The following NYAP2 variants were observed in gnomAD, a reference collection of about 807,000 sequenced individuals.
NYAP2 encodes neuronal tyrosine-phosphorylated phosphoinositide-3-kinase adaptor 2, also known as neuronal tyrosine-phosphorylated phosphoinositide-3-kinase adapter 2.
In NYAP2, 23 loss-of-function variants were observed where a neutral mutation model predicts 50.4. The ratio of observed to expected loss-of-function variants is 0.46; its 90% CI spans 0.33 to 0.65. NYAP2 has a LOEUF of 0.65. NYAP2 is among the 30% of genes least tolerant of loss of function. NYAP2 has a pLI of 0.02. For missense variants in NYAP2, 885 were observed against 861.0 expected (o/e 1.03, Z -0.35); for synonymous variants, 394 against 365.2 (o/e 1.08, Z -0.90).
intron 4 of NYAP2, among the ~76,000 whole-genome samples, chr2:225,542,316 C>T (rs140213803): frequency 1.6e-4 from 24 of 152,140 alleles, no homozygotes; most frequent in African/African-American, 5.1e-4. Context: ...TGAATAACAG[C>T]GGTGACAGTG....
intron 3 of NYAP2, among the ~76,000 whole-genome samples, chr2:225,427,364 C>T (rs1048436698): frequency 7.2e-5 from 11 of 152,148 alleles, no homozygotes; most frequent in African/African-American, 2.7e-4. Flanking sequence ...TACATTTTTC[C>T]TTTTAATATC....
At chr2:225,461,179 C>G (rs976603197) in intron 3 of NYAP2, among the ~76,000 whole-genome samples, 5 of 152,050 alleles carry the variant, frequency 3.3e-5, no homozygotes. Context: ...ACCATTTGTT[C>G]TGTGTGTGGA....
intron 4 of NYAP2, among the ~76,000 whole-genome samples, chr2:225,534,406 G>T (rs1456735915): frequency 6.6e-6 from 1 of 152,122 alleles, no homozygotes; most frequent in African/African-American, 2.4e-5. Context: ...CACCTACTAC[G>T]GGCCAAGCAT....
At chr2:225,408,888 C>G (rs749733680) in exon 3 of NYAP2, 1 of 1,604,638 alleles carries the variant, frequency 6.2e-7, no homozygotes, top group Non-Finnish European at 8.5e-7. Flanking sequence ...TACATGATAT[C>G]CTCCAAGATG....
the NYAP2 span, among the ~76,000 whole-genome samples, chr2:225,692,112 G>A: frequency 4.6e-5 from 7 of 152,164 alleles, no homozygotes; most frequent in African/African-American, 1.4e-4. Flanking sequence ...GCTTGGCATC[G>A]TGCTCTGTCT....
chr2:225,411,358 G>A (rs982801845), intron 3 of NYAP2, among the ~76,000 whole-genome samples: 9 of 152,134 alleles, frequency 5.9e-5, no homozygotes, highest in African/African-American at 2.2e-4. Context: ...GCAGAATGAT[G>A]TTTCCATTTA....
At chr2:225,692,637 T>C in the NYAP2 span, among the ~76,000 whole-genome samples, 1 of 152,010 alleles carries the variant, frequency 6.6e-6, no homozygotes, top group Non-Finnish European at 1.5e-5. Flanking sequence ...ATGTGAAGCA[T>C]ATATAAATTT....
At chr2:225,418,589 A>G (rs1340245235) in intron 3 of NYAP2, among the ~76,000 whole-genome samples, 1 of 152,222 alleles carries the variant, frequency 6.6e-6, no homozygotes, top group Admixed American at 6.5e-5. Flanking sequence ...TGGTGTTTCC[A>G]TTAACTGAGA....
At chr2:225,605,131 AT>A (rs1278586043) in intron 5 of NYAP2, among the ~76,000 whole-genome samples, 3 of 152,048 alleles carry the variant, frequency 2.0e-5, no homozygotes, top group African/African-American at 7.2e-5. Context: ...TGGAAACGAT[AT>A]TTTTCTCCCC....
intron 5 of NYAP2, among the ~76,000 whole-genome samples, chr2:225,585,445 C>T (rs1372507652): frequency 6.6e-6 from 1 of 152,204 alleles, no homozygotes; most frequent in African/African-American, 2.4e-5. Context: ...AATCAGTCTA[C>T]GTGTATATGT....
intron 5 of NYAP2, among the ~76,000 whole-genome samples, chr2:225,616,705 C>G (rs1574711145): frequency 6.6e-6 from 1 of 152,084 alleles, no homozygotes; most frequent in Non-Finnish European, 1.5e-5. Context: ...AACTGGTCTT[C>G]CCTGGAGTTA....
At chr2:225,497,084 G>A (rs954879350) in intron 3 of NYAP2, among the ~76,000 whole-genome samples, 1 of 152,264 alleles carries the variant, frequency 6.6e-6, no homozygotes, top group Middle Eastern at 3.4e-3. Flanking sequence ...GCATAAAGCG[G>A]ATAATCCAAG....
At chr2:225,583,633 A>G (rs900524608) in intron 5 of NYAP2, among the ~76,000 whole-genome samples, 1 of 151,836 alleles carries the variant, frequency 6.6e-6, no homozygotes, top group Non-Finnish European at 1.5e-5. Context: ...AACAGAGACC[A>G]CTATGGAATT....
chr2:225,483,980 C>T (rs1182166127), intron 3 of NYAP2, among the ~76,000 whole-genome samples: 1 of 152,162 alleles, frequency 6.6e-6, no homozygotes, highest in African/African-American at 2.4e-5. Context: ...AGGACTCACA[C>T]TTGCCAAGGT....
intron 4 of NYAP2, among the ~76,000 whole-genome samples, chr2:225,558,120 T>C (rs2106213940): frequency 6.6e-6 from 1 of 152,250 alleles, no homozygotes; most frequent in South Asian, 2.1e-4. Flanking sequence ...GCTGGATCTG[T>C]CAACTAACAT....
chr2:225,403,860 C>T (rs1276806051), intron 2 of NYAP2, among the ~76,000 whole-genome samples: 1 of 151,962 alleles, frequency 6.6e-6, no homozygotes, highest in Non-Finnish European at 1.5e-5. Flanking sequence ...GTGTACATGT[C>T]CATTCTAGTC....
intron 5 of NYAP2, among the ~76,000 whole-genome samples, chr2:225,588,472 T>A (rs1458249883): frequency 6.6e-6 from 1 of 152,148 alleles, no homozygotes; most frequent in African/African-American, 2.4e-5. Context: ...TCTCCTTTTT[T>A]GTGCTGTGTG....
intron 3 of NYAP2, among the ~76,000 whole-genome samples, chr2:225,504,473 T>C (rs1336711934): frequency 1.3e-5 from 2 of 152,180 alleles, no homozygotes; most frequent in East Asian, 3.8e-4. Context: ...CACCTGTACT[T>C]ATATCAGCCA....
At chr2:225,409,138 A>G (rs1362269112) in intron 3 of NYAP2, 37 bp downstream of exon 3, 3 of 1,448,730 alleles carry the variant, frequency 2.1e-6, no homozygotes, top group Non-Finnish European at 2.8e-6. Context: ...TTTTGTGCAC[A>G]TGAGAAAGTC....
Sources: allele counts gnomAD v4.1 joint callset (sites outside exome capture counted in the v4.1 genomes callset), GRCh38; gene constraint gnomAD v4.1.1; transcripts MANE v1.5; gene names NCBI Gene and HGNC (gene_info 2026-07-23, HGNC 2026-07-21).